CDK6: variants seen among roughly 807,000 people sequenced by gnomAD.
CDK6 encodes the protein cyclin dependent kinase 6, also known as cyclin-dependent kinase 6.
Under a neutral mutation model 37.1 loss-of-function variants are expected in CDK6, and 6 were observed. The ratio of observed to expected loss-of-function variants is 0.16; its 90% CI spans 0.09 to 0.32. CDK6 has a LOEUF of 0.32. Among genes scored for constraint, CDK6 ranks in the 10% least tolerant of loss-of-function variants. The pLI, the probability that CDK6 is intolerant of heterozygous loss-of-function variation, is 1.00. For synonymous variants in CDK6, 160 were observed against 161.3 expected, an observed-to-expected ratio of 0.99 and a Z score of 0.06; for missense variants, 224 against 418.9, an observed-to-expected ratio of 0.53 and a Z score of 4.06.
chr7:92,774,282 T>C (rs1175219428), intron 3 of CDK6, among the ~76,000 whole-genome samples: 1 of 152,224 alleles, frequency 6.6e-6, no homozygotes, highest in Non-Finnish European at 1.5e-5. Context: ...GGAGTTATTA[T>C]ACAATCATAA....
At chr7:92,697,662 A>G (rs1328588719) in intron 4 of CDK6, among the ~76,000 whole-genome samples, 2 of 152,214 alleles carry the variant, frequency 1.3e-5, no homozygotes, top group Non-Finnish European at 2.9e-5. Flanking sequence ...CATATTTCAC[A>G]GCTCTAACCA....
At chr7:92,797,924 C>T (rs1800457290) in intron 2 of CDK6, among the ~76,000 whole-genome samples, 1 of 152,198 alleles carries the variant, frequency 6.6e-6, no homozygotes, top group Non-Finnish European at 1.5e-5. Context: ...TGTGTTAACA[C>T]TGGAGGTGCT....
At chr7:92,823,822 T>A (rs1801242172) in intron 2 of CDK6, among the ~76,000 whole-genome samples, 1 of 152,022 alleles carries the variant, frequency 6.6e-6, no homozygotes, top group Non-Finnish European at 1.5e-5. Context: ...AAAGATGTCT[T>A]TTTTCAGAAA....
intron 4 of CDK6, among the ~76,000 whole-genome samples, chr7:92,687,519 T>C (rs1797487944): frequency 6.6e-6 from 1 of 152,240 alleles, no homozygotes; most frequent in African/African-American, 2.4e-5. Context: ...TGTGTAATTC[T>C]GAAGGTATGA....
At chr7:92,619,253 T>G (rs1795751347) in intron 6 of CDK6, among the ~76,000 whole-genome samples, 1 of 152,182 alleles carries the variant, frequency 6.6e-6, no homozygotes, top group African/African-American at 2.4e-5. Flanking sequence ...TGTATCTATG[T>G]ATAACTTAAG....
chr7:92,746,209 C>T (rs771395599), intron 3 of CDK6, among the ~76,000 whole-genome samples: 1 of 152,138 alleles, frequency 6.6e-6, no homozygotes, highest in Non-Finnish European at 1.5e-5. Flanking sequence ...ATAATTAATG[C>T]TACAGCAAAT....
chr7:92,771,210 T>C (rs968764654), intron 3 of CDK6, among the ~76,000 whole-genome samples: 1 of 147,234 alleles, frequency 6.8e-6, no homozygotes, highest in African/African-American at 2.5e-5. Flanking sequence ...CACTCCAGCC[T>C]GGTGACTCCG....
intron 2 of CDK6, among the ~76,000 whole-genome samples, chr7:92,807,035 C>CTAGTTT (rs895026424): frequency 2.0e-5 from 3 of 152,108 alleles, no homozygotes; most frequent in Non-Finnish European, 2.9e-5. Context: ...TGGAGCTGAA[C>CTAGTTT]TAGTTTTAAT....
At chr7:92,829,291 TTA>T (rs1801415750) in intron 2 of CDK6, among the ~76,000 whole-genome samples, 2 of 152,234 alleles carry the variant, frequency 1.3e-5, no homozygotes, top group Admixed American at 1.3e-4. Context: ...ACTATTCTAA[TTA>T]TAATATTTAA....
intron 5 of CDK6, among the ~76,000 whole-genome samples, chr7:92,650,398 T>A (rs889637078): frequency 6.6e-6 from 1 of 152,234 alleles, no homozygotes; most frequent in Non-Finnish European, 1.5e-5. Context: ...CAATGTTTAT[T>A]GTTTATTCCA....
intron 2 of CDK6, among the ~76,000 whole-genome samples, chr7:92,776,689 G>T (rs1242712490): frequency 1.3e-5 from 2 of 152,026 alleles, no homozygotes; most frequent in Admixed American, 6.6e-5. Flanking sequence ...TCATATGTTT[G>T]TTGGCCTCAT....
At position 92,629,873 on chromosome 7, in the gene CDK6, C is replaced by T. The variant is rs989117240; in HGVS notation, c.648-6787G>A. 5.8e-4 allele frequency among the ~76,000 whole-genome samples: 88 copies of T among 152,060 alleles called. 1 individual carries two copies. The highest frequency in any genetic ancestry group is 2.0e-4 in the Admixed American group (3 of 15,260). On this transcript the variant is annotated intron_variant, in intron 5 of 7. Coordinates refer to ENST00000424848, the MANE Select transcript of CDK6 (RefSeq NM_001145306.2). ...ACAATGTAGGGTTCTGGTAAGATCC[C>T]TCTTCCTGGCTTGTACCTGCCTTCT...
rs555054923 is a variant in CDK6 at position 92,606,484 on chromosome 7, G to A, written c.*8656C>T. On this transcript the variant is annotated 3_prime_UTR_variant, in exon 8 of 8. Coordinates refer to ENST00000424848, the MANE Select transcript of CDK6 (RefSeq NM_001145306.2). ...GGAACACTTTAGTGGTAGAAAGGAA[G>A]AGATACAGGGGACAGAGATGTAGAG... The A allele has an allele frequency of 4.3e-6, 1 of 233,386 alleles. No individual in the cohort carries two copies. The highest frequency in any genetic ancestry group is 1.3e-3 in the Middle Eastern group (1 of 786). The allele number at this position is 233,386 out of a possible 1,614,324, so 14.5% of individuals were successfully genotyped here. A position where few individuals can be genotyped will look rare whatever the true frequency, so the allele number is the denominator to read the frequency against.
chr7:92,607,677 T>C lies in CDK6; in HGVS notation c.*7463A>G. On this transcript the variant is annotated 3_prime_UTR_variant, in exon 8 of 8. Transcript: ENST00000424848. ...GTGATTCAGAAATAAATAACATACA[T>C]GAATAATAATAGAAATAATTTATGC... 8.6e-6 allele frequency: 2 copies of C among 232,666 alleles called. No individual in the cohort carries two copies. The highest frequency in any genetic ancestry group is 1.7e-5 in the Non-Finnish European group (2 of 117,812). The allele number at this position is 232,666 out of a possible 1,614,324, so 14.4% of individuals were successfully genotyped here. A position where few individuals can be genotyped will look rare whatever the true frequency, so the allele number is the denominator to read the frequency against.
At chr7:92,829,069 T>C (rs368882077) in intron 2 of CDK6, among the ~76,000 whole-genome samples, 6 of 152,310 alleles carry the variant, frequency 3.9e-5, no homozygotes, top group African/African-American at 1.2e-4. Flanking sequence ...CTAATCCAAT[T>C]GAAGACCTGG....
intron 2 of CDK6, among the ~76,000 whole-genome samples, chr7:92,803,196 T>G (rs1800629457): frequency 6.6e-6 from 1 of 152,200 alleles, no homozygotes; most frequent in Non-Finnish European, 1.5e-5. Flanking sequence ...ATTAAGTACT[T>G]GCAATATGGT....
Position 92,682,305 on chromosome 7 carries a change from G to A in CDK6, c.538-10770C>T, listed in dbSNP as rs549884238. Among the ~76,000 whole-genome samples the A allele has an allele frequency of 3.3e-5, 5 of 152,274 alleles. No homozygotes were observed. The East Asian group carries it at 7.7e-4, about 24-fold the overall frequency. The stretch of plus-strand genomic sequence containing the variant: ...TTCCCACCCACTCTCTGCCTTCATT[G>A]TCTGTTCCCCCTTCAGATGAAGGCT... On this transcript the variant is annotated intron_variant, in intron 4 of 7. Transcript: ENST00000424848.
At chr7:92,712,878 G>GTATGTATGTATGTATGTATT (rs1343099505) in intron 4 of CDK6, among the ~76,000 whole-genome samples, 3 of 127,960 alleles carry the variant, frequency 2.3e-5, no homozygotes, top group African/African-American at 6.0e-5. Context: ...ATGTATGTAT[G>GTATGTATGTATGTATGTATT]TATTTATTTA....
At chr7:92,819,949 G>A (rs993265647) in intron 2 of CDK6, among the ~76,000 whole-genome samples, 3 of 151,850 alleles carry the variant, frequency 2.0e-5, no homozygotes, top group African/African-American at 7.3e-5. Flanking sequence ...GAAGAACCTT[G>A]TAAAGAGAAT....
Sources: allele counts gnomAD v4.1 joint callset (sites outside exome capture counted in the v4.1 genomes callset), GRCh38; gene constraint gnomAD v4.1.1; transcripts MANE v1.5; gene names NCBI Gene and HGNC (gene_info 2026-07-23, HGNC 2026-07-21).